The following CLEC4D variants were observed in gnomAD, a reference collection of about 807,000 sequenced individuals.
The protein encoded by CLEC4D is C-type lectin domain family 4 member D, also known as C-type (calcium dependent, carbohydrate-recognition domain) lectin, superfamily member 8.
Under a neutral mutation model 21.1 loss-of-function variants are expected in CLEC4D, and 21 were observed. The ratio of observed to expected loss-of-function variants is 1.00; its 90% CI spans 0.71 to 1.43. The LOEUF (loss-of-function observed/expected upper bound fraction) is 1.43. Ranked by LOEUF, CLEC4D falls within the 40% of genes most tolerant of loss-of-function variation. CLEC4D has a pLI of 0.00. For synonymous variants in CLEC4D, 85 were observed against 83.1 expected (o/e 1.02, Z -0.12); for missense variants, 289 against 260.7 (o/e 1.11, Z -0.75).
chr12:8,515,260 T>G lies in CLEC4D; in HGVS notation c.53T>G (p.Leu18Arg), dbSNP rs149172096. ...GTGGAAGGAGGCATGCATCCCCAGC[T>G]GATACCTTCGGTTATTGCTGTAGTT... ...SKLEGGMHPQ[L>R]IPSVIAVVFI... The change falls in exon 2 of 6, where the codon CTG becomes CGG. Residue 18 changes from leucine to arginine, a missense_variant. Coordinates refer to ENST00000299665, the MANE Select transcript of CLEC4D (RefSeq NM_080387.5). 211 of 1,509,884 alleles carry G rather than the reference T, an allele frequency of 1.4e-4. No homozygotes were observed. Among genetic ancestry groups the G allele is most frequent in the Middle Eastern group, 6.8e-4 (4 of 5,868 alleles). 93.5% of individuals were successfully genotyped at this position (1,509,884 alleles called of 1,614,324 possible).
the CLEC4D span, among the ~76,000 whole-genome samples, chr12:8,529,156 A>G: frequency 6.6e-6 from 1 of 152,228 alleles, no homozygotes; most frequent in South Asian, 2.1e-4. Flanking sequence ...AAATCACCAG[A>G]GCAATCTCCG....
At chr12:8,530,925 T>C in the CLEC4D span, among the ~76,000 whole-genome samples, 2 of 152,350 alleles carry the variant, frequency 1.3e-5, no homozygotes, top group East Asian at 1.9e-4. Flanking sequence ...TTAAAGTTGG[T>C]TGCACGACAT....
At position 8,521,177 on chromosome 12, in the gene CLEC4D, T is replaced by G; in HGVS notation, c.554T>G (p.Leu185Arg). ...TCTCAGGGAGAAAACTGTGTTGTTCTTGTTTATAACCAAGATAAATGGGCC... is the reference window on the plus strand; with the variant it reads ...TCTCAGGGAGAAAACTGTGTTGTTCGTGTTTATAACCAAGATAAATGGGCC... ...DNSQGENCVV[L>R]VYNQDKWAWN... Residue 185 changes from leucine to arginine, a missense_variant, in exon 6 of 6, where the codon CTT becomes CGT. Physicochemically the swap from Leu to Arg is moderately radical, Grantham distance 102. Coordinates refer to ENST00000299665, the MANE Select transcript of CLEC4D (RefSeq NM_080387.5). 6.2e-7 allele frequency: 1 copy of G among 1,613,742 alleles called. No homozygotes were observed. Among genetic ancestry groups the G allele is most frequent in the South Asian group, 1.1e-5 (1 of 91,052 alleles).
intron 2 of CLEC4D, among the ~76,000 whole-genome samples, chr12:8,517,091 T>A (rs1431646561): frequency 6.6e-6 from 1 of 152,186 alleles, no homozygotes; most frequent in Non-Finnish European, 1.5e-5. Flanking sequence ...CAGCGGTTAC[T>A]TTAAAAGCCA....
At chr12:8,531,015 G>A in the CLEC4D span, among the ~76,000 whole-genome samples, 2 of 152,156 alleles carry the variant, frequency 1.3e-5, no homozygotes, top group African/African-American at 4.8e-5. Flanking sequence ...CCTGCCCGGT[G>A]CCCTGTGGCC....
At chr12:8,527,527 C>A in the CLEC4D span, among the ~76,000 whole-genome samples, 3 of 152,226 alleles carry the variant, frequency 2.0e-5, no homozygotes, top group Non-Finnish European at 4.4e-5. Context: ...TGGGACCAAG[C>A]TCTCCAGCCT....
downstream of CLEC4D, among the ~76,000 whole-genome samples, chr12:8,522,522 G>C (rs935594994): frequency 5.3e-5 from 8 of 151,892 alleles, no homozygotes; most frequent in Non-Finnish European, 8.8e-5. Flanking sequence ...TGATTGTGTG[G>C]TGGTGGTGGT....
intron 1 of CLEC4D, among the ~76,000 whole-genome samples, chr12:8,514,909 C>T (rs756348881): frequency 1.8e-4 from 28 of 152,112 alleles, no homozygotes; most frequent in African/African-American, 6.0e-4. Context: ...TCCTTTCATA[C>T]GTTCCTTGAC....
chr12:8,514,874 G>A (rs757563705), intron 1 of CLEC4D, among the ~76,000 whole-genome samples: 3 of 152,084 alleles, frequency 2.0e-5, no homozygotes, highest in South Asian at 2.1e-4. Flanking sequence ...TATCCAGTGC[G>A]GATATTAATA....
At chr12:8,528,722 G>C in the CLEC4D span, among the ~76,000 whole-genome samples, 4 of 152,062 alleles carry the variant, frequency 2.6e-5, no homozygotes, top group African/African-American at 9.7e-5. Flanking sequence ...AGTAAACGTA[G>C]AAGATAAATA....
chr12:8,527,631 G>C, the CLEC4D span, among the ~76,000 whole-genome samples: 2 of 152,214 alleles, frequency 1.3e-5, no homozygotes, highest in Non-Finnish European at 2.9e-5. Flanking sequence ...AAGCAGCTGT[G>C]AGTCCCAGTG....
chr12:8,530,523 A>G, the CLEC4D span, among the ~76,000 whole-genome samples: 1 of 152,074 alleles, frequency 6.6e-6, no homozygotes, highest in African/African-American at 2.4e-5. Context: ...ATTTGAACAA[A>G]CATATCTAGA....
chr12:8,524,427 G>C (rs550017957), downstream of CLEC4D, among the ~76,000 whole-genome samples: 8 of 151,850 alleles, frequency 5.3e-5, no homozygotes, highest in African/African-American at 1.7e-4. Flanking sequence ...GTTTAGTCCC[G>C]GTAGGGTGTA....
downstream of CLEC4D, among the ~76,000 whole-genome samples, chr12:8,524,977 A>G (rs184861585): frequency 2.6e-5 from 4 of 152,300 alleles, no homozygotes; most frequent in East Asian, 7.7e-4. Flanking sequence ...ATTCAGGAGC[A>G]GTTTGTTCAA....
At chr12:8,524,737 C>T (rs1268377808), downstream of CLEC4D, among the ~76,000 whole-genome samples, 2 of 152,146 alleles carry the variant, frequency 1.3e-5, no homozygotes, top group Admixed American at 1.3e-4. Flanking sequence ...TTGTCTTCTG[C>T]TAGCTTTTGG....
At chr12:8,525,742 G>A (rs919150283), downstream of CLEC4D, among the ~76,000 whole-genome samples, 2 of 151,974 alleles carry the variant, frequency 1.3e-5, no homozygotes, top group Non-Finnish European at 2.9e-5. Flanking sequence ...ATGCTATTTG[G>A]TTTTTTTGCA....
chr12:8,522,545 G>T (rs754565257), downstream of CLEC4D, among the ~76,000 whole-genome samples: 1 of 152,050 alleles, frequency 6.6e-6, no homozygotes, highest in African/African-American at 2.4e-5. Context: ...TGATGGATGC[G>T]TGTAGCTGTG....
chr12:8,514,849 G>A (rs1171675673), intron 1 of CLEC4D, among the ~76,000 whole-genome samples: 1 of 152,062 alleles, frequency 6.6e-6, no homozygotes, highest in African/African-American at 2.4e-5. Flanking sequence ...TTTTCTAGTT[G>A]ATTTTGAAAT....
At position 8,521,355 on chromosome 12, in the gene CLEC4D, A is replaced by T. The variant is rs1388190946; in HGVS notation, c.*84A>T. The T allele has an allele frequency of 6.6e-7, 1 of 1,517,712 alleles. No individual in the cohort carries two copies. The highest frequency in any genetic ancestry group is 1.4e-5 in the African/African-American group (1 of 71,736). 94.0% of individuals were successfully genotyped at this position (1,517,712 alleles called of 1,614,324 possible). On this transcript the variant is annotated 3_prime_UTR_variant, in exon 6 of 6. Transcript: ENST00000299665. Reference sequence around the variant, plus strand: ...CAGAATGTACGTGCGTCATTGGAACACAGAAAACATGCTGGTTCATACAGC... The same window carrying T: ...CAGAATGTACGTGCGTCATTGGAACTCAGAAAACATGCTGGTTCATACAGC...
Sources: allele counts gnomAD v4.1 joint callset (sites outside exome capture counted in the v4.1 genomes callset), GRCh38; gene constraint gnomAD v4.1.1; transcripts MANE v1.5; gene names NCBI Gene and HGNC (gene_info 2026-07-23, HGNC 2026-07-21).